Variants in USH2A observed in about 807,000 individuals in gnomAD.
The protein encoded by USH2A is Usher syndrome 2A (autosomal recessive, mild).
A neutral mutation model predicts 538.9 loss-of-function variants in USH2A; 443 were observed. The observed-to-expected ratio is 0.82, with a 90% confidence interval of 0.76 to 0.89. The LOEUF is 0.89. Among genes scored for constraint, USH2A ranks in the 40% least tolerant of loss-of-function variants. The pLI is 0.00. For missense variants in USH2A, 6,633 were observed against 6,324.8 expected (o/e 1.05, Z -1.65); for synonymous variants, 2,413 against 2,273.5 (o/e 1.06, Z -1.75).
rs572297693 is a variant in USH2A at position 216,057,146 on chromosome 1, T to TA, written c.6050-8500dup. On this transcript the variant is annotated intron_variant, in intron 30 of 71. Transcript: ENST00000307340. ...AAATAAAATGAAAAACTTTTTTTTT[T>TA]AAAAAACAACTCTCTCTGAAGATTT... 2.2e-4 allele frequency among the ~76,000 whole-genome samples: 33 copies of TA among 151,982 alleles called. 1 individual carries two copies. Among genetic ancestry groups the TA allele is most frequent in the African/African-American group, 7.0e-4 (29 of 41,400 alleles).
At chr1:216,091,406 T>G (rs1170737384) in intron 22 of USH2A, among the ~76,000 whole-genome samples, 1 of 152,214 alleles carries the variant, frequency 6.6e-6, no homozygotes, top group African/African-American at 2.4e-5. Context: ...AAATTGAATT[T>G]AATTAAGTGA....
chr1:215,887,852 A>G (rs1157013392), intron 41 of USH2A, among the ~76,000 whole-genome samples: 1 of 152,240 alleles, frequency 6.6e-6, no homozygotes, highest in African/African-American at 2.4e-5. Context: ...TCTAAGCTAC[A>G]AAACTCCCTC....
intron 49 of USH2A, among the ~76,000 whole-genome samples, chr1:215,805,520 T>C (rs1662475130): frequency 6.6e-6 from 1 of 152,038 alleles, no homozygotes; most frequent in Non-Finnish European, 1.5e-5. Context: ...GTAATGATTG[T>C]ACAACAATGC....
rs1171877745 is a variant in USH2A, at chr1:216,246,890, T to A, written c.2504A>T (p.Tyr835Phe). The A allele has an allele frequency of 6.2e-7, 1 of 1,614,168 alleles. No homozygotes were observed. Among genetic ancestry groups the A allele is most frequent in the Admixed American group, 1.7e-5 (1 of 60,022 alleles). The part of the protein sequence containing the change: ...QCNKCLEGNF[Y>F]LRQNNSFLCL... ...GAGGAAAGAATTATTTTGCCGTAGG[T>A]AGAAGTTTCCCTCCAAACATTTATT... Residue 835 changes from tyrosine to phenylalanine, a missense_variant, in exon 13 of 72, where the codon TAC (tyrosine) becomes TTC (phenylalanine). Coordinates refer to ENST00000307340, the MANE Select transcript of USH2A (RefSeq NM_206933.4).
At chr1:215,916,086 T>C (rs912928618) in intron 38 of USH2A, among the ~76,000 whole-genome samples, 11 of 151,096 alleles carry the variant, frequency 7.3e-5, no homozygotes, top group African/African-American at 2.7e-4. Context: ...TACCTAATGC[T>C]AAATGACGAG....
chr1:216,346,623 T>G (rs1334750934), intron 4 of USH2A, among the ~76,000 whole-genome samples: 1 of 151,844 alleles, frequency 6.6e-6, no homozygotes, highest in African/African-American at 2.4e-5. Flanking sequence ...CACTCCCCAC[T>G]GAGAGGTAAG....
chr1:216,178,036 A>C (rs983796665), intron 20 of USH2A, among the ~76,000 whole-genome samples: 1 of 152,192 alleles, frequency 6.6e-6, no homozygotes, highest in Non-Finnish European at 1.5e-5. Flanking sequence ...ATAAGAATTG[A>C]AGCCCTTAAA....
At chr1:216,277,494 A>G (rs1330117473) in intron 11 of USH2A, among the ~76,000 whole-genome samples, 1 of 152,050 alleles carries the variant, frequency 6.6e-6, no homozygotes, top group East Asian at 1.9e-4. Flanking sequence ...CTCATGGGGT[A>G]CTCTATTCTC....
intron 65 of USH2A, among the ~76,000 whole-genome samples, chr1:215,650,153 T>C (rs1657005423): frequency 6.6e-6 from 1 of 152,218 alleles, no homozygotes; most frequent in Non-Finnish European, 1.5e-5. Flanking sequence ...ATTAGAGATT[T>C]GTGCATGTCA....
At chr1:216,074,423 C>A (rs1413844919) in intron 27 of USH2A, among the ~76,000 whole-genome samples, 1 of 151,932 alleles carries the variant, frequency 6.6e-6, no homozygotes, top group Non-Finnish European at 1.5e-5. Context: ...AGCACAGCAG[C>A]AGGAAATGGA....
At chr1:216,399,195 C>T (rs923033932) in intron 3 of USH2A, among the ~76,000 whole-genome samples, 23 of 152,156 alleles carry the variant, frequency 1.5e-4, no homozygotes, top group African/African-American at 5.6e-4. Context: ...ATTAACAAGA[C>T]TAAACAAGGA....
chr1:216,200,957 C>A (rs1392767457), intron 16 of USH2A, among the ~76,000 whole-genome samples: 1 of 136,220 alleles, frequency 7.3e-6, no homozygotes. Context: ...CTTCCCCTTC[C>A]CCTTCCCCTC....
intron 9 of USH2A, among the ~76,000 whole-genome samples, chr1:216,307,409 C>T (rs1030131784): frequency 6.6e-6 from 1 of 152,130 alleles, no homozygotes; most frequent in Non-Finnish European, 1.5e-5. Flanking sequence ...AGTCTCACTC[C>T]CACAATACTC....
intron 55 of USH2A, among the ~76,000 whole-genome samples, chr1:215,775,229 C>T (rs115005147): frequency 2.0e-3 from 303 of 152,232 alleles, no homozygotes; most frequent in African/African-American, 7.2e-3. Context: ...AACACGGTAC[C>T]ATGCTTGGAA....
In USH2A at chr1:215,759,841, C is replaced by T. The variant is rs1387227775; in HGVS notation, c.11050G>A (p.Val3684Ile). 1 of 1,613,966 alleles carries T rather than the reference C, an allele frequency of 6.2e-7. No homozygotes were observed. The highest frequency in any genetic ancestry group is 8.5e-7 in the Non-Finnish European group (1 of 1,179,900). ...ATAATGTGTCGAGGTGTCACCCAAACTCCTGGCAAGAATAACGCAATGAGG... is the reference window on the plus strand; with the variant it reads ...ATAATGTGTCGAGGTGTCACCCAAATTCCTGGCAAGAATAACGCAATGAGG... ...GQTLQAAPEG[V>I]WVTPRHIIIN... The change falls in exon 57 of 72, where the codon GTT becomes ATT. Residue 3684 changes from valine (V) to isoleucine (I), a missense_variant and splice_region_variant. By Grantham distance (29) the Val-to-Ile change is conservative. Transcript: ENST00000307340.
chr1:216,370,775 T>C (rs1047718890), intron 3 of USH2A, among the ~76,000 whole-genome samples: 1 of 151,564 alleles, frequency 6.6e-6, no homozygotes, highest in African/African-American at 2.4e-5. Flanking sequence ...ATTAATAAGT[T>C]GCAGTCAGTT....
intron 63 of USH2A, among the ~76,000 whole-genome samples, chr1:215,673,703 TTGGCA>T (rs1657897450): frequency 6.6e-6 from 1 of 152,224 alleles, no homozygotes; most frequent in Non-Finnish European, 1.5e-5. Context: ...CGCTCATTGA[TTGGCA>T]CTTTTTAACC....
chr1:215,957,806 C>G (rs923642781), intron 37 of USH2A, among the ~76,000 whole-genome samples: 11 of 152,134 alleles, frequency 7.2e-5, no homozygotes, highest in African/African-American at 2.7e-4. Context: ...TGAAAAGAAG[C>G]TGCCTCTTTT....
intron 47 of USH2A, among the ~76,000 whole-genome samples, chr1:215,826,504 C>G (rs12064905): frequency 2.6e-5 from 4 of 152,226 alleles, no homozygotes; most frequent in Middle Eastern, 3.4e-3. Context: ...AAGAAAAGAG[C>G]AAGCTACAAT....
Sources: gnomAD v4.1 joint callset for allele counts (sites outside exome capture counted in the v4.1 genomes callset) on GRCh38, gnomAD v4.1.1 for gene constraint, MANE v1.5 for transcripts, NCBI Gene and HGNC (gene_info 2026-07-23, HGNC 2026-07-21) for gene names.